KIR3DL1: variants seen among roughly 807,000 people sequenced by gnomAD.
The protein encoded by KIR3DL1 is killer cell immunoglobulin like receptor, three Ig domains and long cytoplasmic tail 1, also known as killer cell immunoglobulin-like receptor 3DL1.
In KIR3DL1, 50 loss-of-function variants were observed where a neutral mutation model predicts 40.3. The ratio of observed to expected loss-of-function variants is 1.24; its 90% CI spans 0.99 to 1.57. The LOEUF (loss-of-function observed/expected upper bound fraction) is 1.57, where lower values mean the gene tolerates loss of function less well. KIR3DL1 is among the 40% of genes most tolerant of loss of function. The probability of loss-of-function intolerance (pLI) is 0.00; values close to 1 mark genes in which losing one functional copy is unlikely to be tolerated. For synonymous variants in KIR3DL1, 257 were observed against 207.2 expected, an observed-to-expected ratio of 1.24 and a Z score of -2.07; for missense variants, 661 against 559.9, an observed-to-expected ratio of 1.18 and a Z score of -1.82.
chr19:54,821,003 A>ACATGATGAT (rs772112962), intron 4 of KIR3DL1, among the ~76,000 whole-genome samples: 1 of 150,062 alleles, frequency 6.7e-6, no homozygotes, highest in Admixed American at 6.7e-5. Context: ...TGATACATAG[A>ACATGATGAT]GATGACGATG....
At chr19:54,818,591 T>C (rs2061475470) in exon 3 of KIR3DL1, 3 of 1,609,830 alleles carry the variant, frequency 1.9e-6, no homozygotes, top group Non-Finnish European at 2.5e-6. Flanking sequence ...GTGGTGATCA[T>C]GGTCACAGGT....
intron 4 of KIR3DL1, 132 bp from the exon 5 acceptor site, chr19:54,821,433 G>C: frequency 8.3e-7 from 1 of 1,197,658 alleles, no homozygotes. Context: ...TATGAAGAGA[G>C]ATGGGGTGGA....
chr19:54,818,626 C>T (rs2148074006), intron 3 of KIR3DL1, 27 bp downstream of exon 3: 1 of 1,596,282 alleles, frequency 6.3e-7, no homozygotes, highest in East Asian at 2.2e-5. Context: ...CTGGGCTTCT[C>T]ACTGTCCCAC....
At position 54,817,514 on chromosome 19, in the gene KIR3DL1, A is replaced by G; in HGVS notation, c.35-20A>G. ...TGGTTTGCCTGCAGAGGGATGGTCC[A>G]TCATGATCTTTCTTTCTAGGGTTGT... On this transcript the variant is annotated intron_variant, in intron 1 of 8. Transcript: ENST00000391728. 2.7e-6 allele frequency: 4 copies of G among 1,498,438 alleles called. No individual in the cohort carries two copies. The highest frequency in any genetic ancestry group is 3.2e-5 in the African/African-American group (2 of 62,318). The allele number at this position is 1,498,438 out of a possible 1,614,324, so 92.8% of individuals were successfully genotyped here.
Position 54,827,437 on chromosome 19 carries a change from C to T in KIR3DL1, c.1001-1924C>T, listed in dbSNP as rs1460141279. Among the ~76,000 whole-genome samples the T allele has an allele frequency of 2.1e-5, 3 of 143,502 alleles. 1 individual carries two copies. The highest frequency in any genetic ancestry group is 7.8e-5 in the African/African-American group (3 of 38,244). 94.1% of individuals were successfully genotyped at this position (143,502 alleles called of 152,430 possible). A position where few individuals can be genotyped will look rare whatever the true frequency, so the allele number is the denominator to read the frequency against. On this transcript the variant is annotated intron_variant, in intron 6 of 8. Coordinates refer to ENST00000391728, the Ensembl canonical transcript of KIR3DL1. ...GAAACCCTATCTCTACATGGTGAAACCCTATCTCTCCTAAAAATACAAAAA... is the reference window on the plus strand; with the variant it reads ...GAAACCCTATCTCTACATGGTGAAATCCTATCTCTCCTAAAAATACAAAAA...
intron 6 of KIR3DL1, among the ~76,000 whole-genome samples, chr19:54,828,962 C>T (rs2062055691): frequency 1.4e-5 from 2 of 141,118 alleles, no homozygotes; most frequent in African/African-American, 5.1e-5. Flanking sequence ...AGCAATGGAG[C>T]TTCCAAGCTC....
chr19:54,822,117 G>A (rs2061670706), intron 5 of KIR3DL1, among the ~76,000 whole-genome samples: 1 of 150,950 alleles, frequency 6.6e-6, no homozygotes, highest in Admixed American at 6.6e-5. Flanking sequence ...AGGGGAGACT[G>A]GGCTTAGTTT....
At chr19:54,818,517 G>A (rs756823195) in exon 3 of KIR3DL1, 1 of 1,611,522 alleles carries the variant, frequency 6.2e-7, no homozygotes, top group South Asian at 1.1e-5. Flanking sequence ...CACATGCAGG[G>A]AACTACACAT....
At chr19:54,821,616 C>T (rs1183781762) in exon 5 of KIR3DL1, 6 of 1,608,748 alleles carry the variant, frequency 3.7e-6, no homozygotes, top group African/African-American at 1.3e-5. Context: ...AAGGTTCAGG[C>T]AGGAGAGAGC....
rs1253872346 is a variant in KIR3DL1 at position 54,824,233 on chromosome 19, G to C, written c.950-795G>C. Among the ~76,000 whole-genome samples, 4 of 151,672 alleles carry C rather than the reference G, an allele frequency of 2.6e-5. No individual in the cohort carries two copies. In the East Asian group the frequency reaches 5.8e-4, roughly 22 times the overall value. ...TCATAGGTTCAGGCCTTAGACTCAT[G>C]TTTTTAATCCATTTTCATTTGATTT... On this transcript the variant is annotated intron_variant, in intron 5 of 8. Coordinates refer to ENST00000391728, the Ensembl canonical transcript of KIR3DL1.
At chr19:54,826,939 A>C (rs139267239) in intron 6 of KIR3DL1, among the ~76,000 whole-genome samples, 10,579 of 143,298 alleles carry the variant, frequency 0.074, 22 homozygotes, top group East Asian at 0.11. Context: ...ACTCACAGCC[A>C]TTGGATTCAC....
At position 54,820,225 on chromosome 19, in the gene KIR3DL1, G is replaced by C. The variant is rs567177854; in HGVS notation, c.655+213G>C. ...AGAGGACAGACACAGGGGCCATACA[G>C]GGAGGTAGAAAAGAGAGAAAGAGGT... On this transcript the variant is annotated intron_variant, in intron 4 of 8. Transcript: ENST00000391728. Among the ~76,000 whole-genome samples, 3 of 151,600 alleles carry C rather than the reference G, an allele frequency of 2.0e-5. No homozygotes were observed. The South Asian group carries it at 6.3e-4, about 32-fold the overall frequency.
intron 5 of KIR3DL1, among the ~76,000 whole-genome samples, chr19:54,824,723 T>C (rs618323): frequency 0.18 from 27,319 of 149,448 alleles, 2,951 homozygotes; most frequent in South Asian, 0.31. Context: ...GGATTATATC[T>C]GTGTTCTCCA....
chr19:54,822,963 G>A (rs373612104), intron 5 of KIR3DL1, among the ~76,000 whole-genome samples: 4,581 of 148,872 alleles, frequency 0.031, 195 homozygotes, highest in Middle Eastern at 0.066. Flanking sequence ...ATATCACTTC[G>A]ATACACTGAT....
At chr19:54,826,001 C>T (rs1488697550) in intron 6 of KIR3DL1, among the ~76,000 whole-genome samples, 2 of 151,282 alleles carry the variant, frequency 1.3e-5, no homozygotes, top group Non-Finnish European at 2.9e-5. Flanking sequence ...CCATCATAAT[C>T]TCCCGGAAAT....
At chr19:54,823,044 T>C (rs34092079) in intron 5 of KIR3DL1, among the ~76,000 whole-genome samples, 18,369 of 147,356 alleles carry the variant, frequency 0.12, 1,383 homozygotes, top group Non-Finnish European at 0.15. Flanking sequence ...TTTTTTTTTT[T>C]CTTTTTTGAG....
At chr19:54,826,882 A>T (rs1489522081) in intron 6 of KIR3DL1, among the ~76,000 whole-genome samples, 83 of 151,426 alleles carry the variant, frequency 5.5e-4, no homozygotes, top group African/African-American at 1.9e-3. Context: ...CGGAGAGCAC[A>T]CTGGGTACAC....
At chr19:54,822,882 C>G (rs1374759763) in intron 5 of KIR3DL1, among the ~76,000 whole-genome samples, 2 of 141,744 alleles carry the variant, frequency 1.4e-5, no homozygotes, top group Non-Finnish European at 3.1e-5. Context: ...CATTCACCCA[C>G]TGATGGGCAG....
chr19:54,822,533 CAGG>C (rs2061691547), intron 5 of KIR3DL1, among the ~76,000 whole-genome samples: 1 of 149,888 alleles, frequency 6.7e-6, no homozygotes, highest in Non-Finnish European at 1.5e-5. Flanking sequence ...GAGGCTGAGG[CAGG>C]AGAAGCACTT....
Sources: allele counts gnomAD v4.1 joint callset (sites outside exome capture counted in the v4.1 genomes callset), GRCh38; gene constraint gnomAD v4.1.1; transcripts MANE v1.5; gene names NCBI Gene and HGNC (gene_info 2026-07-23, HGNC 2026-07-21).